The following FNDC3B variants were observed in gnomAD, a reference collection of about 807,000 sequenced individuals.
FNDC3B encodes fibronectin type III domain containing 3B.
In FNDC3B, 12 loss-of-function variants were observed where a neutral mutation model predicts 151.5. The observed-to-expected ratio is 0.08, with a 90% CI of 0.05 to 0.13. The LOEUF (loss-of-function observed/expected upper bound fraction) is 0.13. Among genes scored for constraint, FNDC3B ranks in the 10% least tolerant of loss-of-function variants. The pLI is 1.00. For missense variants in FNDC3B, 1,214 were observed against 1,505.3 expected, an observed-to-expected ratio of 0.81 and a Z score of 3.20; for synonymous variants, 528 against 549.0, an observed-to-expected ratio of 0.96 and a Z score of 0.54.
intron 3 of FNDC3B, among the ~76,000 whole-genome samples, chr3:172,222,661 T>C (rs370036270): frequency 4.9e-4 from 75 of 152,280 alleles, no homozygotes; most frequent in African/African-American, 1.7e-3. Flanking sequence ...CACGATAGGG[T>C]TCGCTGCTGA....
rs200670741 is a variant in FNDC3B, at chr3:172,163,278, G to GA, written c.187+29743dup. On this transcript the variant is annotated intron_variant, in intron 3 of 25. Transcript: ENST00000415807. ...AGAGCAAGACTATATCTCATATAAG[G>GA]AAAAAAAAAAATAGAATTATAAAGC... is the stretch of plus-strand genomic sequence containing the variant. Among the ~76,000 whole-genome samples the GA allele has an allele frequency of 9.1e-3, 1,317 of 145,242 alleles. 16 individuals are homozygous for GA. Among genetic ancestry groups the GA allele is most frequent in the African/African-American group, 0.031 (1,198 of 39,112 alleles).
At chr3:172,330,331 G>C (rs1352515307) in intron 12 of FNDC3B, 1 of 478,588 alleles carries the variant, frequency 2.1e-6, no homozygotes, top group Admixed American at 3.7e-5. Flanking sequence ...CCTGTGACTT[G>C]GTGTGTGTGT....
In FNDC3B at chr3:172,284,839, G is replaced by A. The variant is rs544471169; in HGVS notation, c.791-1087G>A. On this transcript the variant is annotated intron_variant, in intron 6 of 25. Transcript: ENST00000415807. ...CCACTAGACTTGAAATATCTTGGGG[G>A]CAGGGACATATGTCTTAGTGATCAT... Among the ~76,000 whole-genome samples, 147 of 150,904 alleles carry A rather than the reference G, an allele frequency of 9.7e-4. 1 individual carries two copies. Among genetic ancestry groups the A allele is most frequent in the Admixed American group, 1.8e-3 (27 of 15,086 alleles).
chr3:172,310,723 G>C, intron 10 of FNDC3B, 105 bp from the exon 11 acceptor site: 4 of 836,510 alleles, frequency 4.8e-6, no homozygotes, highest in South Asian at 4.1e-5. Context: ...CCCCCTGAGG[G>C]GAGAGCACAG....
intron 1 of FNDC3B, among the ~76,000 whole-genome samples, chr3:172,108,164 T>C (rs1214723944): frequency 6.9e-6 from 1 of 144,592 alleles, no homozygotes; most frequent in East Asian, 2.0e-4. Flanking sequence ...TGAGACTCTG[T>C]CTCAAAAAAA....
intron 3 of FNDC3B, among the ~76,000 whole-genome samples, chr3:172,156,613 T>G (rs1388484880): frequency 6.6e-6 from 1 of 152,158 alleles, no homozygotes; most frequent in African/African-American, 2.4e-5. Context: ...TTTCTTTGTA[T>G]GTATCCTTTG....
At chr3:172,226,464 A>G (rs1431335666) in intron 3 of FNDC3B, among the ~76,000 whole-genome samples, 5 of 152,204 alleles carry the variant, frequency 3.3e-5, no homozygotes, top group African/African-American at 1.2e-4. Context: ...GGAGCTTTCT[A>G]AACCAGAATA....
chr3:172,070,625 T>C (rs1717728834), intron 1 of FNDC3B, among the ~76,000 whole-genome samples: 1 of 152,242 alleles, frequency 6.6e-6, no homozygotes, highest in African/African-American at 2.4e-5. Context: ...ATTTACCTTT[T>C]ACTTTAAGCC....
In FNDC3B at chr3:172,332,792, T is replaced by A. The variant is rs1732747463; in HGVS notation, c.1555-297T>A. Among the ~76,000 whole-genome samples, 3 of 152,232 alleles carry A rather than the reference T, an allele frequency of 2.0e-5. No homozygotes were observed. The South Asian group carries it at 6.2e-4, about 32-fold the overall frequency. ...AAGACCTCGGTGCAAAGGGCTTTTT[T>A]CATGACAACATTAAAAATGTTAAAT... On this transcript the variant is annotated intron_variant, in intron 13 of 25. Coordinates refer to ENST00000415807, the MANE Select transcript of FNDC3B (RefSeq NM_022763.4).
intron 6 of FNDC3B, among the ~76,000 whole-genome samples, chr3:172,254,395 T>C (rs1230529326): frequency 6.6e-6 from 1 of 152,138 alleles, no homozygotes; most frequent in Non-Finnish European, 1.5e-5. Flanking sequence ...GGGGATAATG[T>C]ATAATCAGCC....
intron 25 of FNDC3B, among the ~76,000 whole-genome samples, chr3:172,393,818 A>G (rs1166486925): frequency 6.6e-6 from 1 of 152,132 alleles, no homozygotes; most frequent in Non-Finnish European, 1.5e-5. Context: ...ATTAAAATGT[A>G]TGGGATACGG....
chr3:172,249,919 G>A (rs918553613), intron 5 of FNDC3B, among the ~76,000 whole-genome samples: 6 of 152,130 alleles, frequency 3.9e-5, no homozygotes. Context: ...ATACATTTCT[G>A]TTGTGCCTGT....
chr3:172,041,389 C>T (rs71629244), intron 1 of FNDC3B, among the ~76,000 whole-genome samples: 28 of 108,290 alleles, frequency 2.6e-4, no homozygotes, highest in African/African-American at 3.4e-4. Flanking sequence ...CTTTCTTTTT[C>T]TTTCTTTCTT....
chr3:172,222,270 A>G (rs1285921834), intron 3 of FNDC3B, among the ~76,000 whole-genome samples: 1 of 152,242 alleles, frequency 6.6e-6, no homozygotes, highest in Non-Finnish European at 1.5e-5. Context: ...TGATAAAAAT[A>G]CCATTTAAAA....
In FNDC3B at chr3:172,399,184, A is replaced by G. The variant is rs551844174; in HGVS notation, c.*1709A>G. The G allele has an allele frequency of 6.5e-6, 1 of 152,782 alleles. No individual in the cohort carries two copies. Among genetic ancestry groups the G allele is most frequent in the South Asian group, 2.1e-4 (1 of 4,826 alleles). The allele number at this position is 152,782 out of a possible 1,614,324, so 9.5% of individuals were successfully genotyped here. A position where few individuals can be genotyped will look rare whatever the true frequency, so the allele number is the denominator to read the frequency against. On this transcript the variant is annotated 3_prime_UTR_variant, in exon 26 of 26. Coordinates refer to ENST00000415807, the MANE Select transcript of FNDC3B (RefSeq NM_022763.4). ...CTATATTCTGCATACAGTACTTTAAATGCCAATTACAGTGCAATCTTTATT... is the reference window on the plus strand; with the variant it reads ...CTATATTCTGCATACAGTACTTTAAGTGCCAATTACAGTGCAATCTTTATT...
intron 3 of FNDC3B, among the ~76,000 whole-genome samples, chr3:172,169,119 C>G (rs1044793708): frequency 2.7e-5 from 4 of 149,504 alleles, no homozygotes; most frequent in Non-Finnish European, 5.9e-5. Context: ...TCAGCCACAC[C>G]CCAGAGTGCA....
chr3:172,297,084 A>T (rs909807181), intron 8 of FNDC3B, among the ~76,000 whole-genome samples: 15 of 152,192 alleles, frequency 9.9e-5, no homozygotes, highest in African/African-American at 3.6e-4. Flanking sequence ...TTGCCATCGA[A>T]AGGAAGCAGT....
chr3:172,361,301 G>A (rs1316027961), intron 22 of FNDC3B, among the ~76,000 whole-genome samples: 1 of 152,168 alleles, frequency 6.6e-6, no homozygotes, highest in Non-Finnish European at 1.5e-5. Flanking sequence ...TTTCTAAATT[G>A]TTACTCTCTG....
chr3:172,397,609 T>A lies in FNDC3B; in HGVS notation c.*134T>A. ...TTTACAGATTTAGCTAGAAAAAAAA[T>A]GTCAGTGTTTTGGTGCACCTTTTTG... is the stretch of plus-strand genomic sequence containing the variant. On this transcript the variant is annotated 3_prime_UTR_variant, in exon 26 of 26. Coordinates refer to ENST00000415807, the MANE Select transcript of FNDC3B (RefSeq NM_022763.4). 4.1e-6 allele frequency: 2 copies of A among 484,712 alleles called. No individual in the cohort carries two copies. The highest frequency in any genetic ancestry group is 7.0e-5 in the East Asian group (2 of 28,398). The allele number at this position is 484,712 out of a possible 1,614,324, so 30.0% of individuals were successfully genotyped here. A position where few individuals can be genotyped will look rare whatever the true frequency, so the allele number is the denominator to read the frequency against.
Sources: gnomAD v4.1 joint callset for allele counts (sites outside exome capture counted in the v4.1 genomes callset) on GRCh38, gnomAD v4.1.1 for gene constraint, MANE v1.5 for transcripts, NCBI Gene and HGNC (gene_info 2026-07-23, HGNC 2026-07-21) for gene names.